Variants in RREB1 observed in about 807,000 individuals in gnomAD.
RREB1 encodes the protein ras-responsive element-binding protein 1.
In RREB1, 27 loss-of-function variants were observed where a neutral mutation model predicts 117.8. The observed-to-expected ratio is 0.23, with a 90% CI of 0.17 to 0.32. The LOEUF (loss-of-function observed/expected upper bound fraction) is 0.32. Ranked by LOEUF, RREB1 falls within the 10% of genes least tolerant of loss-of-function variation. RREB1 has a pLI of 1.00. For missense variants in RREB1, 2,577 were observed against 2,378.2 expected, an observed-to-expected ratio of 1.08 and a Z score of -1.74; for synonymous variants, 1,298 against 1,026.7, an observed-to-expected ratio of 1.26 and a Z score of -5.05.
At position 7,246,776 on chromosome 6, in the gene RREB1, C is replaced by T. The variant is rs776184838; in HGVS notation, c.4326C>T (p.Ala1442=). 5 of 1,551,278 alleles carry T rather than the reference C, an allele frequency of 3.2e-6. No individual in the cohort carries two copies. Among genetic ancestry groups the T allele is most frequent in the African/African-American group, 2.7e-5 (2 of 72,738 alleles). ...GCGAGGCAGGCGCCGGGGGCGCGGC[C>T]TCGCAGGAGCAGAAGCTCGCCTGCG... ...GDGEAGAGGA[A]SQEQKLACDT... is the part of the protein sequence containing the mutation. The change falls in exon 12 of 13, where the codon GCC becomes GCT. Residue 1442 remains alanine, a synonymous_variant. Coordinates refer to ENST00000379938, the MANE Select transcript of RREB1 (RefSeq NM_001003699.4).
At chr6:7,182,178 A>C (rs1561766378) in intron 4 of RREB1, 96 bp downstream of exon 4, 1 of 1,196,656 alleles carries the variant, frequency 8.4e-7, no homozygotes, top group Non-Finnish European at 1.2e-6. Context: ...CCTTGGAAGA[A>C]TTGGGAATAA....
chr6:7,125,588 T>A (rs1001091821), intron 1 of RREB1, among the ~76,000 whole-genome samples: 3 of 152,212 alleles, frequency 2.0e-5, no homozygotes, highest in African/African-American at 7.2e-5. Context: ...GAATTTAGTT[T>A]TGCATTGGGT....
At chr6:7,219,990 C>T (rs1189648216) in intron 8 of RREB1, among the ~76,000 whole-genome samples, 1 of 152,174 alleles carries the variant, frequency 6.6e-6, no homozygotes, top group Non-Finnish European at 1.5e-5. Context: ...TCTGCTGTTC[C>T]AGGGAGCCCC....
intron 2 of RREB1, among the ~76,000 whole-genome samples, chr6:7,178,496 A>G (rs1436739076): frequency 2.0e-5 from 3 of 152,206 alleles, no homozygotes; most frequent in Admixed American, 1.3e-4. Flanking sequence ...ACGTAGAACA[A>G]TGAGCTCCAT....
chr6:7,185,695 G>A (rs911696475), intron 4 of RREB1, among the ~76,000 whole-genome samples: 6 of 152,188 alleles, frequency 3.9e-5, no homozygotes, highest in African/African-American at 1.2e-4. Context: ...GGTTTATGGC[G>A]CCATTTGCTT....
In RREB1 at chr6:7,189,142, A is replaced by G. The variant is rs1765262922; in HGVS notation, c.262-17A>G. The G allele has an allele frequency of 3.1e-6, 5 of 1,608,826 alleles. No homozygotes were observed. Among genetic ancestry groups the G allele is most frequent in the Admixed American group, 1.7e-5 (1 of 59,764 alleles). On this transcript the variant is annotated splice_polypyrimidine_tract_variant and intron_variant, in intron 5 of 12. Coordinates refer to ENST00000379938, the MANE Select transcript of RREB1 (RefSeq NM_001003699.4). Reference sequence around the variant, plus strand: ...TGCACTTTCTTAAGTGACCGCTGTGACCATTGCTTTCTGCAGCACAACACA... The same window carrying G: ...TGCACTTTCTTAAGTGACCGCTGTGGCCATTGCTTTCTGCAGCACAACACA...
At position 7,229,558 on chromosome 6, in the gene RREB1, C is replaced by T. The variant is rs1767787536; in HGVS notation, c.1459C>T (p.Pro487Ser). ...AASAPPQISL[P>S]PFSKAPAAPL... ...CTCGGCTCCCCCTCAGATCAGTCTTCCGCCCTTCTCCAAGGCCCCTGCCGC... is the reference window on the plus strand; with the variant it reads ...CTCGGCTCCCCCTCAGATCAGTCTTTCGCCCTTCTCCAAGGCCCCTGCCGC... The change falls in exon 10 of 13, where the codon CCG becomes TCG. Residue 487 changes from proline (P) to serine (S), a missense_variant. Pro to Ser is a moderately conservative substitution (Grantham distance 74, BLOSUM62 -1). Coordinates refer to ENST00000379938, the MANE Select transcript of RREB1 (RefSeq NM_001003699.4). This position sits in a 1 kb window ranked among gnomAD's most constrained non-coding sequence, Gnocchi z 4.5. The T allele has an allele frequency of 7.4e-6, 12 of 1,613,112 alleles. No individual in the cohort carries two copies. The highest frequency in any genetic ancestry group is 1.6e-4 in the Middle Eastern group (1 of 6,080).
chr6:7,152,098 A>C (rs181795887), intron 1 of RREB1, among the ~76,000 whole-genome samples: 49 of 152,268 alleles, frequency 3.2e-4, no homozygotes, highest in Non-Finnish European at 5.9e-4. Flanking sequence ...AATAATAGGG[A>C]GTTCTGGGGC....
intron 9 of RREB1, among the ~76,000 whole-genome samples, chr6:7,227,033 G>T (rs755000946): frequency 6.6e-6 from 1 of 152,162 alleles, no homozygotes; most frequent in South Asian, 2.1e-4. Context: ...TTGAGGTCAG[G>T]AGGTTGAGAC....
chr6:7,178,226 A>G (rs1764605811), intron 2 of RREB1, among the ~76,000 whole-genome samples: 2 of 152,192 alleles, frequency 1.3e-5, no homozygotes, highest in Non-Finnish European at 2.9e-5. Flanking sequence ...GAAATGTTGC[A>G]GAAGAAAGAA....
chr6:7,205,823 AT>A (rs1165412938), intron 6 of RREB1, among the ~76,000 whole-genome samples: 1 of 152,212 alleles, frequency 6.6e-6, no homozygotes, highest in Non-Finnish European at 1.5e-5. Context: ...ACCATCTCAA[AT>A]TTTAGAAAGC....
chr6:7,190,904 C>A (rs2113559247), intron 6 of RREB1, among the ~76,000 whole-genome samples: 1 of 152,316 alleles, frequency 6.6e-6, no homozygotes, highest in East Asian at 1.9e-4. Context: ...AGTGGAACTC[C>A]CCATGGGCCA....
chr6:7,228,594 C>G (rs776437363), intron 9 of RREB1, among the ~76,000 whole-genome samples: 17 of 149,394 alleles, frequency 1.1e-4, no homozygotes, highest in Non-Finnish European at 1.9e-4. Flanking sequence ...CAGACTCAAC[C>G]TCCTTAAGCT....
chr6:7,206,045 G>A (rs1766253491), intron 6 of RREB1, among the ~76,000 whole-genome samples: 1 of 152,170 alleles, frequency 6.6e-6, no homozygotes, highest in Admixed American at 6.5e-5. Flanking sequence ...GACTCCAAAA[G>A]TTCTGATAAA....
intron 1 of RREB1, among the ~76,000 whole-genome samples, chr6:7,159,175 C>CT (rs1763529411): frequency 6.6e-6 from 1 of 152,180 alleles, no homozygotes; most frequent in African/African-American, 2.4e-5. Flanking sequence ...GTACCTCTTA[C>CT]TTATTGCAAA....
intron 1 of RREB1, among the ~76,000 whole-genome samples, chr6:7,120,284 A>G (rs752491157): frequency 2.0e-5 from 3 of 151,946 alleles, no homozygotes; most frequent in African/African-American, 4.8e-5. Flanking sequence ...AAAACCCTGT[A>G]TCTACAAAAA....
rs1767774940 is a variant in RREB1 at position 7,229,361 on chromosome 6, G to A, written c.1262G>A (p.Gly421Asp). 1.9e-6 allele frequency: 3 copies of A among 1,614,022 alleles called. No homozygotes were observed. Among genetic ancestry groups the A allele is most frequent in the Non-Finnish European group, 1.7e-6 (2 of 1,180,006 alleles). ...SLSPFEAASL[G>D]GSLTVLPATK... ...TCACCTTTCGAAGCTGCTTCCCTAG[G>A]CGGTTCTCTCACAGTTCTCCCCGCG... is the stretch of plus-strand genomic sequence containing the variant. Residue 421 changes from glycine to aspartate, a missense_variant, in exon 10 of 13, where the codon GGC becomes GAC. Gly to Asp is a moderately conservative substitution (Grantham distance 94, BLOSUM62 -1). Coordinates refer to ENST00000379938, the MANE Select transcript of RREB1 (RefSeq NM_001003699.4). This position sits in a 1 kb window ranked among gnomAD's most constrained non-coding sequence, Gnocchi z 4.5.
intron 1 of RREB1, among the ~76,000 whole-genome samples, chr6:7,127,995 G>A (rs943049461): frequency 6.6e-6 from 1 of 152,052 alleles, no homozygotes; most frequent in Non-Finnish European, 1.5e-5. Flanking sequence ...GACAATTAAT[G>A]GTGTAGTAAT....
intron 4 of RREB1, chr6:7,183,243 G>C (rs957654083): frequency 2.0e-5 from 3 of 152,214 alleles, no homozygotes; most frequent in African/African-American, 7.2e-5. Context: ...CTCTCTTCCT[G>C]TGGGTGCCTG....
Sources: gnomAD v4.1 joint callset for allele counts (sites outside exome capture counted in the v4.1 genomes callset) on GRCh38, gnomAD v4.1.1 for gene constraint, Gnocchi (gnomAD v3.1) non-coding constraint, MANE v1.5 for transcripts, NCBI Gene and HGNC (gene_info 2026-07-23, HGNC 2026-07-21) for gene names.